Variants in ZBTB20 observed in about 807,000 individuals in gnomAD.
ZBTB20 encodes zinc finger and BTB domain-containing protein 20.
Under a neutral mutation model 56.9 loss-of-function variants are expected in ZBTB20, and 9 were observed. That is an observed-to-expected ratio of 0.16 (90% confidence interval 0.10 to 0.28). The LOEUF (loss-of-function observed/expected upper bound fraction) is 0.28, where lower values mean the gene tolerates loss of function less well. Ranked by LOEUF, ZBTB20 falls within the 10% of genes least tolerant of loss-of-function variation. The probability of loss-of-function intolerance (pLI) is 1.00; values close to 1 mark genes in which losing one functional copy is unlikely to be tolerated. For synonymous variants in ZBTB20, 417 were observed against 420.7 expected (o/e 0.99, Z 0.11); for missense variants, 655 against 1,003.0 (o/e 0.65, Z 4.69).
At chr3:114,757,616 T>C (rs921666570) in intron 5 of ZBTB20, among the ~76,000 whole-genome samples, 1 of 152,156 alleles carries the variant, frequency 6.6e-6, no homozygotes, top group Non-Finnish European at 1.5e-5. Context: ...GGCTGCCTCT[T>C]GAAATCTGAG....
chr3:114,975,339 A>T (rs1461953485), intron 2 of ZBTB20, among the ~76,000 whole-genome samples: 6 of 152,190 alleles, frequency 3.9e-5, no homozygotes, highest in Non-Finnish European at 8.8e-5. Flanking sequence ...AGATTTAGGC[A>T]TTCAAAGTTT....
chr3:114,485,066 C>T (rs371584923), intron 7 of ZBTB20, among the ~76,000 whole-genome samples: 16 of 152,200 alleles, frequency 1.1e-4, no homozygotes, highest in East Asian at 7.7e-4. Context: ...TACAGCCAGT[C>T]CTGACTCTGC....
intron 2 of ZBTB20, among the ~76,000 whole-genome samples, chr3:115,019,282 T>C (rs552775568): frequency 7.7e-4 from 117 of 151,374 alleles, no homozygotes; most frequent in Admixed American, 1.4e-3. Flanking sequence ...TAATTTATGA[T>C]CATATTCAGG....
intron 4 of ZBTB20, among the ~76,000 whole-genome samples, chr3:114,828,237 C>T (rs1400098997): frequency 2.0e-5 from 3 of 151,536 alleles, no homozygotes; most frequent in African/African-American, 7.3e-5. Flanking sequence ...ATATTGAGCA[C>T]CAAGTAAGTA....
chr3:115,109,090 C>T (rs1486322813), intron 1 of ZBTB20, among the ~76,000 whole-genome samples: 5 of 152,102 alleles, frequency 3.3e-5, no homozygotes. Flanking sequence ...GGCTCCAGAA[C>T]AACGTATTAG....
At chr3:114,557,518 T>C (rs1664775961) in intron 6 of ZBTB20, among the ~76,000 whole-genome samples, 1 of 152,020 alleles carries the variant, frequency 6.6e-6, no homozygotes, top group Non-Finnish European at 1.5e-5. Context: ...TACTATGTTA[T>C]TATGTTCATG....
intron 6 of ZBTB20, among the ~76,000 whole-genome samples, chr3:114,635,704 GA>G (rs148658354): frequency 0.058 from 8,798 of 151,782 alleles, 327 homozygotes; most frequent in Middle Eastern, 0.14. Context: ...TCAAGCAGAA[GA>G]AAGAAACAGT....
chr3:114,920,015 T>G (rs891161079), intron 3 of ZBTB20, among the ~76,000 whole-genome samples: 1 of 151,956 alleles, frequency 6.6e-6, no homozygotes, highest in Non-Finnish European at 1.5e-5. Flanking sequence ...TCAAAATCTA[T>G]CAGAAGACAC....
chr3:114,750,060 T>C (rs1422062516), intron 5 of ZBTB20, among the ~76,000 whole-genome samples: 1 of 152,230 alleles, frequency 6.6e-6, no homozygotes, highest in Non-Finnish European at 1.5e-5. Flanking sequence ...TAATGACATT[T>C]CCCAAAGGTC....
chr3:114,993,510 A>G (rs2078905016), intron 2 of ZBTB20, among the ~76,000 whole-genome samples: 1 of 151,938 alleles, frequency 6.6e-6, no homozygotes, highest in Non-Finnish European at 1.5e-5. Context: ...TTCAACCATT[A>G]TGATCTAAAA....
At chr3:114,604,254 G>A (rs1048289982) in intron 6 of ZBTB20, among the ~76,000 whole-genome samples, 2 of 151,988 alleles carry the variant, frequency 1.3e-5, no homozygotes, top group African/African-American at 4.8e-5. Flanking sequence ...AGAGATACTG[G>A]AGAATACAAG....
At chr3:114,563,452 TTAAATGAGA>T (rs2052349238) in intron 6 of ZBTB20, among the ~76,000 whole-genome samples, 1 of 152,196 alleles carries the variant, frequency 6.6e-6, no homozygotes, top group East Asian at 1.9e-4. Flanking sequence ...CTTAGAATGT[TTAAATGAGA>T]TAACACTGGG....
At chr3:114,725,896 A>G (rs2065240963) in intron 5 of ZBTB20, among the ~76,000 whole-genome samples, 1 of 152,224 alleles carries the variant, frequency 6.6e-6, no homozygotes, top group Non-Finnish European at 1.5e-5. Context: ...TTTAGTACAT[A>G]CTGTGTGAGG....
At chr3:115,085,293 T>G (rs1038398306) in intron 1 of ZBTB20, among the ~76,000 whole-genome samples, 7 of 151,960 alleles carry the variant, frequency 4.6e-5, no homozygotes, top group Non-Finnish European at 1.0e-4. Flanking sequence ...CTGAATCCTC[T>G]GCCTAGCAGA....
intron 3 of ZBTB20, among the ~76,000 whole-genome samples, chr3:114,922,130 T>G (rs2075983533): frequency 6.6e-6 from 1 of 152,118 alleles, no homozygotes; most frequent in Non-Finnish European, 1.5e-5. Context: ...CAAAAATCAA[T>G]GCTTTCTTGA....
chr3:114,590,529 A>AAATG (rs1412671937), intron 6 of ZBTB20, among the ~76,000 whole-genome samples: 1 of 149,268 alleles, frequency 6.7e-6, no homozygotes, highest in Non-Finnish European at 1.5e-5. Flanking sequence ...AATAAAAAAT[A>AAATG]AACAAAAATA....
intron 3 of ZBTB20, among the ~76,000 whole-genome samples, chr3:114,928,995 T>C (rs1467962735): frequency 6.6e-6 from 1 of 152,214 alleles, no homozygotes; most frequent in African/African-American, 2.4e-5. Flanking sequence ...CACACACTCA[T>C]AGAAAAGAAT....
At chr3:114,673,334 G>A (rs2061456432) in intron 6 of ZBTB20, among the ~76,000 whole-genome samples, 1 of 152,066 alleles carries the variant, frequency 6.6e-6, no homozygotes, top group South Asian at 2.1e-4. Flanking sequence ...ACCCCACAGG[G>A]TGATATAAGG....
chr3:114,491,291 T>C (rs541795716), intron 7 of ZBTB20, among the ~76,000 whole-genome samples: 2 of 152,324 alleles, frequency 1.3e-5, no homozygotes, highest in South Asian at 2.1e-4. Context: ...ACAGAGCAGA[T>C]AGGTATCAAC....
Sources: allele counts gnomAD v4.1 joint callset (sites outside exome capture counted in the v4.1 genomes callset), GRCh38; gene constraint gnomAD v4.1.1; transcripts MANE v1.5; gene names NCBI Gene and HGNC (gene_info 2026-07-23, HGNC 2026-07-21).